The following NAV3 variants were observed in gnomAD, a reference collection of about 807,000 sequenced individuals.
The protein encoded by NAV3 is pore membrane and/or filament interacting like protein 1.
Under a neutral mutation model 244.7 loss-of-function variants are expected in NAV3, and 87 were observed. The observed-to-expected ratio is 0.36, with a 90% CI of 0.30 to 0.42. The LOEUF (loss-of-function observed/expected upper bound fraction) is 0.42, where lower values mean the gene tolerates loss of function less well. Among genes scored for constraint, NAV3 ranks in the 20% least tolerant of loss-of-function variants. NAV3 has a pLI of 1.00. For missense variants in NAV3, 2,663 were observed against 2,893.3 expected, an observed-to-expected ratio of 0.92 and a Z score of 1.83; for synonymous variants, 1,126 against 1,042.2, an observed-to-expected ratio of 1.08 and a Z score of -1.55.
intron 3 of NAV3, among the ~76,000 whole-genome samples, chr12:77,960,514 CATG>C (rs1891804017): frequency 6.7e-6 from 1 of 148,838 alleles, no homozygotes; most frequent in South Asian, 2.1e-4. Flanking sequence ...AAGTATATAT[CATG>C]ATGTATACTG....
intron 2 of NAV3, among the ~76,000 whole-genome samples, chr12:77,605,834 C>T (rs1032357112): frequency 2.7e-5 from 4 of 150,426 alleles, no homozygotes; most frequent in Admixed American, 2.0e-4. Flanking sequence ...AGGGAAACTC[C>T]GTCTCAAGAA....
At chr12:77,683,447 G>T (rs1320967679) in intron 2 of NAV3, among the ~76,000 whole-genome samples, 3 of 152,000 alleles carry the variant, frequency 2.0e-5, no homozygotes, top group Non-Finnish European at 4.4e-5. Flanking sequence ...CTGGTAGTCA[G>T]GTAATATGAT....
chr12:78,143,915 G>T (rs1420836615), intron 20 of NAV3, among the ~76,000 whole-genome samples: 1 of 152,060 alleles, frequency 6.6e-6, no homozygotes, highest in African/African-American at 2.4e-5. Context: ...CTAAATTTGG[G>T]TGGCTAGTTT....
At position 78,035,964 on chromosome 12, in the gene NAV3, C is replaced by T. The variant is rs151059809; in HGVS notation, c.2024-14029C>T. ...CCCAACATTCAGAAGGGAGATCTGCCTGCTTCAGCTGCCTGCAGCTACAGA... is the reference window on the plus strand; with the variant it reads ...CCCAACATTCAGAAGGGAGATCTGCTTGCTTCAGCTGCCTGCAGCTACAGA... On this transcript the variant is annotated intron_variant, in intron 9 of 39. Coordinates refer to ENST00000397909, the MANE Select transcript of NAV3 (RefSeq NM_001024383.2). Among the ~76,000 whole-genome samples the T allele has an allele frequency of 8.0e-3, 1,225 of 152,256 alleles. 10 individuals are homozygous for T. Among genetic ancestry groups the T allele is most frequent in the Middle Eastern group, 0.041 (12 of 294 alleles).
intron 2 of NAV3, among the ~76,000 whole-genome samples, chr12:77,751,885 T>G (rs1419732883): frequency 6.6e-6 from 1 of 152,218 alleles, no homozygotes; most frequent in African/African-American, 2.4e-5. Context: ...AAGTTATTCT[T>G]GGTTTGTTAT....
chr12:77,948,651 A>T (rs1890586310), intron 3 of NAV3, among the ~76,000 whole-genome samples: 4 of 151,062 alleles, frequency 2.6e-5, no homozygotes, highest in Admixed American at 2.0e-4. Context: ...GGTGTTTTTA[A>T]GGAACTTATT....
intron 8 of NAV3, among the ~76,000 whole-genome samples, chr12:78,010,077 T>G (rs1005602087): frequency 1.3e-5 from 2 of 152,110 alleles, no homozygotes; most frequent in African/African-American, 4.8e-5. Context: ...TAAAACTGTC[T>G]CATAAAATTT....
rs1027663131 is a variant in NAV3, at chr12:77,656,125, A to C, written c.72+83859A>C. On this transcript the variant is annotated intron_variant, in intron 2 of 8. Transcript: ENST00000550042. ...CATAACAATATTAACTTTAAATGTA[A>C]ATGGACTAAATGCTCCAATTAAAAG... Among the ~76,000 whole-genome samples, 4 of 151,288 alleles carry C rather than the reference A, an allele frequency of 2.6e-5. 1 individual carries two copies. In the South Asian group the frequency reaches 8.4e-4, roughly 32 times the overall value.
At chr12:77,782,216 A>T (rs1429757072) in intron 2 of NAV3, among the ~76,000 whole-genome samples, 1 of 152,008 alleles carries the variant, frequency 6.6e-6, no homozygotes, top group Non-Finnish European at 1.5e-5. Flanking sequence ...TAAGCAGCAC[A>T]TTGAGATTCC....
At chr12:77,785,855 A>G (rs1178532932) in intron 2 of NAV3, among the ~76,000 whole-genome samples, 2 of 152,200 alleles carry the variant, frequency 1.3e-5, no homozygotes, top group African/African-American at 2.4e-5. Flanking sequence ...AAACCCAAGA[A>G]ACCTGTGGTC....
chr12:77,853,197 G>A (rs542190445), intron 1 of NAV3, among the ~76,000 whole-genome samples: 1 of 152,282 alleles, frequency 6.6e-6, no homozygotes, highest in East Asian at 1.9e-4. Flanking sequence ...GTGTGATTTT[G>A]TTGTAGTTTT....
intron 2 of NAV3, among the ~76,000 whole-genome samples, chr12:77,794,575 G>A (rs527695916): frequency 4.6e-5 from 7 of 152,150 alleles, no homozygotes; most frequent in African/African-American, 1.7e-4. Context: ...ACTTCCTTGT[G>A]TTGTGCTTTG....
chr12:77,998,360 C>G lies in NAV3; in HGVS notation c.764C>G (p.Pro255Arg). Residue 255 changes from proline (P) to arginine (R), a missense_variant, in exon 7 of 40, where the codon CCT (proline) becomes CGT (arginine). Physicochemically the swap from Pro to Arg is moderately radical, Grantham distance 103. This residue lies in a region of NAV3 where 1,521 missense variants were observed against 1,497.0 expected (regional missense o/e 1.02). Coordinates refer to ENST00000397909, the MANE Select transcript of NAV3 (RefSeq NM_001024383.2). Reference sequence around the variant, plus strand: ...AGGCTTCCAGGGCCCTCTAGGGTGCCTGCTGCAGGAAGCAGCAGCAAGGTC... The same window carrying G: ...AGGCTTCCAGGGCCCTCTAGGGTGCGTGCTGCAGGAAGCAGCAGCAAGGTC... Reference protein sequence around the residue: ...PTRLPGPSRVPAAGSSSKVQG... With the variant: ...PTRLPGPSRVRAAGSSSKVQG... 1 of 1,596,934 alleles carries G rather than the reference C, an allele frequency of 6.3e-7. No individual in the cohort carries two copies. The highest frequency in any genetic ancestry group is 8.5e-7 in the Non-Finnish European group (1 of 1,172,356).
intron 2 of NAV3, among the ~76,000 whole-genome samples, chr12:77,719,216 C>A (rs761179123): frequency 6.6e-6 from 1 of 151,992 alleles, no homozygotes; most frequent in Non-Finnish European, 1.5e-5. Flanking sequence ...TTTTTGAAAT[C>A]TTTAGGGCTT....
intron 2 of NAV3, among the ~76,000 whole-genome samples, chr12:77,690,145 C>G (rs1256498339): frequency 6.6e-6 from 1 of 151,746 alleles, no homozygotes; most frequent in African/African-American, 2.4e-5. Context: ...TGAAAAAATG[C>G]AGATTTTCAG....
intron 3 of NAV3, among the ~76,000 whole-genome samples, chr12:77,942,783 A>C (rs1036243535): frequency 6.6e-6 from 1 of 152,230 alleles, no homozygotes; most frequent in African/African-American, 2.4e-5. Flanking sequence ...ACTAAAATGC[A>C]ATGCAGAATA....
At chr12:77,947,510 T>C (rs939322380) in intron 3 of NAV3, 2 of 151,880 alleles carry the variant, frequency 1.3e-5, no homozygotes, top group Admixed American at 6.6e-5. Context: ...TAAAATCTTA[T>C]ATATGGCATA....
chr12:77,709,560 A>G (rs759554182), intron 2 of NAV3, among the ~76,000 whole-genome samples: 1 of 152,230 alleles, frequency 6.6e-6, no homozygotes, highest in Non-Finnish European at 1.5e-5. Flanking sequence ...AAGGAATCAT[A>G]TCAAACAGTG....
chr12:77,653,467 G>T (rs1253992062), intron 2 of NAV3, among the ~76,000 whole-genome samples: 2 of 152,126 alleles, frequency 1.3e-5, no homozygotes, highest in African/African-American at 4.8e-5. Context: ...TGTTCTTTTT[G>T]ACTTCAGAAA....
Sources: gnomAD v4.1 joint callset for allele counts (sites outside exome capture counted in the v4.1 genomes callset) on GRCh38, gnomAD v4.1.1 for gene constraint, gnomAD v4.1.1 regional missense constraint, MANE v1.5 for transcripts, NCBI Gene and HGNC (gene_info 2026-07-23, HGNC 2026-07-21) for gene names.